TMEM132D: variants seen among roughly 807,000 people sequenced by gnomAD.
TMEM132D encodes transmembrane protein 132D.
TMEM132D carries 21 observed loss-of-function variants against 62.3 expected under a neutral mutation model. The observed-to-expected ratio is 0.34, with a 90% CI of 0.24 to 0.49. The LOEUF (loss-of-function observed/expected upper bound fraction) is 0.49, where lower values mean the gene tolerates loss of function less well. Among genes scored for constraint, TMEM132D ranks in the 20% least tolerant of loss-of-function variants. The pLI, the probability that TMEM132D is intolerant of heterozygous loss-of-function variation, is 0.99. For synonymous variants in TMEM132D, 621 were observed against 575.6 expected, an observed-to-expected ratio of 1.08 and a Z score of -1.13; for missense variants, 1,346 against 1,402.8, an observed-to-expected ratio of 0.96 and a Z score of 0.65.
chr12:129,736,637 C>T (rs995006201), intron 1 of TMEM132D, among the ~76,000 whole-genome samples: 1 of 151,676 alleles, frequency 6.6e-6, no homozygotes, highest in Non-Finnish European at 1.5e-5. Flanking sequence ...TTCTAATTTG[C>T]CACATATAAA....
chr12:129,648,960 C>G (rs553539374), intron 2 of TMEM132D, among the ~76,000 whole-genome samples: 2 of 152,286 alleles, frequency 1.3e-5, no homozygotes, highest in South Asian at 2.1e-4. Context: ...GTTAAGCACA[C>G]TTCAGAGTTC....
At chr12:129,099,806 ATTTT>A (rs63230961) in intron 5 of TMEM132D, among the ~76,000 whole-genome samples, 1 of 141,316 alleles carries the variant, frequency 7.1e-6, no homozygotes. Context: ...AACCCACTTT[ATTTT>A]TTTTTATTTT....
chr12:129,442,758 C>T (rs1872977519), intron 3 of TMEM132D, among the ~76,000 whole-genome samples: 2 of 152,108 alleles, frequency 1.3e-5, no homozygotes, highest in South Asian at 4.2e-4. Flanking sequence ...TTGGATATAG[C>T]CTAAAACTGG....
intron 2 of TMEM132D, among the ~76,000 whole-genome samples, chr12:129,576,832 G>C (rs1273570040): frequency 6.6e-6 from 1 of 151,886 alleles, no homozygotes; most frequent in African/African-American, 2.4e-5. Flanking sequence ...AATCAAGTAG[G>C]CTAGAGAAAA....
At chr12:129,691,944 T>C (rs571867878) in intron 2 of TMEM132D, among the ~76,000 whole-genome samples, 2 of 152,152 alleles carry the variant, frequency 1.3e-5, no homozygotes, top group South Asian at 4.1e-4. Flanking sequence ...CCCTATCTAT[T>C]AAAGAAGAGT....
chr12:129,186,666 G>C, intron 5 of TMEM132D, among the ~76,000 whole-genome samples: 1 of 152,174 alleles, frequency 6.6e-6, no homozygotes, highest in East Asian at 1.9e-4. Flanking sequence ...CTGTAACACA[G>C]AACCTACCCC....
At chr12:129,765,231 T>A (rs1049555164) in intron 1 of TMEM132D, among the ~76,000 whole-genome samples, 1 of 152,218 alleles carries the variant, frequency 6.6e-6, no homozygotes, top group Non-Finnish European at 1.5e-5. Flanking sequence ...ACTCTGAAAG[T>A]TGTAGGTAAT....
chr12:129,593,349 G>A (rs1410839300), intron 2 of TMEM132D, among the ~76,000 whole-genome samples: 1 of 152,156 alleles, frequency 6.6e-6, no homozygotes, highest in Non-Finnish European at 1.5e-5. Flanking sequence ...AAAATGTGAT[G>A]TGATTCCAGA....
chr12:129,423,042 CATATACATGT>C (rs1379263855), intron 3 of TMEM132D, among the ~76,000 whole-genome samples: 1 of 151,600 alleles, frequency 6.6e-6, no homozygotes, highest in Non-Finnish European at 1.5e-5. Flanking sequence ...AGAGAAAGCA[CATATACATGT>C]ATATACATAT....
chr12:129,279,957 T>C (rs900329438), intron 4 of TMEM132D, among the ~76,000 whole-genome samples: 13 of 152,174 alleles, frequency 8.5e-5, no homozygotes, highest in Non-Finnish European at 1.5e-4. Context: ...AAGTGACACA[T>C]TGACTTTTCC....
rs575483491 is a variant in TMEM132D at position 129,492,962 on chromosome 12, C to T, written c.1115+38097G>A. Among the ~76,000 whole-genome samples, 19 of 152,164 alleles carry T rather than the reference C, an allele frequency of 1.2e-4. No individual in the cohort carries two copies. In the East Asian group the frequency reaches 2.5e-3, roughly 20 times the overall value. On this transcript the variant is annotated intron_variant, in intron 3 of 8. Coordinates refer to ENST00000422113, the MANE Select transcript of TMEM132D (RefSeq NM_133448.3). ...TTTCCTGAAATGACTAGATGGATAGCGGCGCCAAGTCACCCCGCGGAACCT... is the reference window on the plus strand; with the variant it reads ...TTTCCTGAAATGACTAGATGGATAGTGGCGCCAAGTCACCCCGCGGAACCT...
intron 1 of TMEM132D, among the ~76,000 whole-genome samples, chr12:129,899,900 G>A (rs370779227): frequency 2.0e-5 from 3 of 152,184 alleles, no homozygotes; most frequent in Middle Eastern, 3.4e-3. Context: ...GCTCCCTTCT[G>A]ATATTCTTTC....
chr12:129,463,265 A>T (rs115084232), intron 3 of TMEM132D, among the ~76,000 whole-genome samples: 329 of 151,596 alleles, frequency 2.2e-3, no homozygotes, highest in African/African-American at 7.4e-3. Context: ...TATTTTATTT[A>T]TTTTTTTTGA....
chr12:129,455,464 G>A (rs2135729112), intron 3 of TMEM132D, among the ~76,000 whole-genome samples: 1 of 152,282 alleles, frequency 6.6e-6, no homozygotes, highest in East Asian at 1.9e-4. Flanking sequence ...CAGATTTGAG[G>A]GGGAAGCACA....
At chr12:129,405,082 G>T (rs1222139125) in intron 3 of TMEM132D, among the ~76,000 whole-genome samples, 1 of 152,094 alleles carries the variant, frequency 6.6e-6, no homozygotes, top group Non-Finnish European at 1.5e-5. Context: ...AAATGTATTT[G>T]TGTTCTTGTC....
At chr12:129,505,825 G>C (rs929067219) in intron 3 of TMEM132D, among the ~76,000 whole-genome samples, 9 of 152,230 alleles carry the variant, frequency 5.9e-5, no homozygotes, top group African/African-American at 1.7e-4. Flanking sequence ...TGTTTCATCT[G>C]ATACAAGAAT....
chr12:129,715,216 G>A (rs751849211), intron 1 of TMEM132D, among the ~76,000 whole-genome samples: 9 of 152,272 alleles, frequency 5.9e-5, no homozygotes, highest in Admixed American at 2.0e-4. Flanking sequence ...AAGAGAGACA[G>A]AGAAAGGTAA....
chr12:129,763,982 G>A (rs944007285), intron 1 of TMEM132D, among the ~76,000 whole-genome samples: 3 of 152,144 alleles, frequency 2.0e-5, no homozygotes, highest in Non-Finnish European at 2.9e-5. Flanking sequence ...ATCACACCTC[G>A]TTGCATTTTC....
intron 2 of TMEM132D, among the ~76,000 whole-genome samples, chr12:129,585,993 ATAAT>A (rs1244211281): frequency 6.6e-6 from 1 of 152,194 alleles, no homozygotes; most frequent in African/African-American, 2.4e-5. Context: ...TGTAATAATA[ATAAT>A]TAAAGGAGAA....
Sources: allele counts gnomAD v4.1 joint callset (sites outside exome capture counted in the v4.1 genomes callset), GRCh38; gene constraint gnomAD v4.1.1; transcripts MANE v1.5; gene names NCBI Gene and HGNC (gene_info 2026-07-23, HGNC 2026-07-21).